The following BRCA1 variants were observed in gnomAD, a reference collection of about 807,000 sequenced individuals.
BRCA1 encodes the protein breast cancer type 1 susceptibility protein.
Under a neutral mutation model 173.7 loss-of-function variants are expected in BRCA1, and 140 were observed. The ratio of observed to expected loss-of-function variants is 0.81; its 90% CI spans 0.70 to 0.93. The LOEUF (loss-of-function observed/expected upper bound fraction) is 0.93. BRCA1 is among the 40% of genes least tolerant of loss of function. The probability of loss-of-function intolerance (pLI) is 0.00; values close to 1 mark genes in which losing one functional copy is unlikely to be tolerated. For synonymous variants in BRCA1, 662 were observed against 756.0 expected (o/e 0.88, Z 2.04); for missense variants, 1,983 against 2,172.5 (o/e 0.91, Z 1.73).
rs8176260 is a variant in BRCA1 at position 43,063,311 on chromosome 17, G to A, written c.5193+22C>T. The A allele has an allele frequency of 5.1e-5, 81 of 1,583,436 alleles. No homozygotes were observed. The African/African-American group carries it at 1.1e-3, about 21-fold the overall frequency. On this transcript the variant is annotated intron_variant, in intron 18 of 22. Coordinates refer to ENST00000357654, the MANE Select transcript of BRCA1 (RefSeq NM_007294.4). ...ATGACTGAATGAATATCTCTGGTTA[G>A]TTTGTAACATCAAGTACTTACCTCA...
At chr17:43,162,075 G>A (rs1021719981) in intron 1 of BRCA1, 10 of 152,144 alleles carry the variant, frequency 6.6e-5, no homozygotes, top group Non-Finnish European at 1.2e-4. Context: ...TTTTTCCAGC[G>A]AGGATCAAGG....
chr17:43,060,557 T>A (rs1430192627), intron 18 of BRCA1, among the ~76,000 whole-genome samples: 2 of 151,966 alleles, frequency 1.3e-5, no homozygotes, highest in South Asian at 2.1e-4. Context: ...AGTGATGCGA[T>A]CTTGGCTCAC....
chr17:43,120,158 G>A (rs889532203), intron 2 of BRCA1, among the ~76,000 whole-genome samples: 19 of 152,172 alleles, frequency 1.2e-4, no homozygotes, highest in Non-Finnish European at 5.9e-5. Flanking sequence ...ACACATTTTA[G>A]CAAATTCTTC....
intron 1 of BRCA1, among the ~76,000 whole-genome samples, chr17:43,131,565 CA>C (rs2154581323): frequency 6.6e-6 from 1 of 151,904 alleles, no homozygotes; most frequent in Admixed American, 6.6e-5. Context: ...ACTAAAAATA[CA>C]AAAAATTAGC....
At chr17:43,111,859 A>G (rs1369918717) in intron 3 of BRCA1, among the ~76,000 whole-genome samples, 1 of 152,016 alleles carries the variant, frequency 6.6e-6, no homozygotes, top group Non-Finnish European at 1.5e-5. Context: ...CAAACAAACA[A>G]AAATAAAAAA....
intron 2 of BRCA1, among the ~76,000 whole-genome samples, chr17:43,121,068 C>G (rs1303132090): frequency 6.9e-6 from 1 of 144,020 alleles, no homozygotes. Flanking sequence ...AGACTCCAAC[C>G]CCCCACCCCG....
upstream of BRCA1, chr17:43,125,622 C>T (rs963681962): frequency 2.1e-5 from 6 of 280,500 alleles, no homozygotes; most frequent in East Asian, 9.7e-5. Context: ...AAAGTGCCTG[C>T]CCTCTAGCCT....
rs1210108015 is a variant in BRCA1 at position 43,100,671 on chromosome 17, T to C, written c.442-791A>G. Among the ~76,000 whole-genome samples the C allele has an allele frequency of 1.2e-3, 30 of 25,974 alleles. 1 individual carries two copies. Among genetic ancestry groups the C allele is most frequent in the African/African-American group, 8.0e-3 (23 of 2,892 alleles). 17.0% of individuals were successfully genotyped at this position (25,974 alleles called of 152,430 possible). ...CATATATATAACATATATATATATA[T>C]ATATATAATATATATATATATATAT... On this transcript the variant is annotated intron_variant, in intron 6 of 22. Coordinates refer to ENST00000357654, the MANE Select transcript of BRCA1 (RefSeq NM_007294.4).
intron 3 of BRCA1, among the ~76,000 whole-genome samples, chr17:43,112,805 T>C (rs1013114678): frequency 2.0e-5 from 3 of 151,692 alleles, no homozygotes; most frequent in African/African-American, 7.3e-5. Context: ...AGCTGTTTTT[T>C]GTTGTTTTTT....
intron 1 of BRCA1, among the ~76,000 whole-genome samples, chr17:43,143,637 ATTAGTGACTTTTTT>A (rs1257351745): frequency 2.0e-5 from 3 of 152,170 alleles, no homozygotes; most frequent in Non-Finnish European, 4.4e-5. Flanking sequence ...AATGTGATTT[ATTAGTGACTTTTTT>A]TTTGAAGATG....
At chr17:43,115,606 G>T in intron 3 of BRCA1, 120 bp downstream of exon 3, 1 of 960,534 alleles carries the variant, frequency 1.0e-6, no homozygotes, top group Non-Finnish European at 1.6e-6. Context: ...AAATGGAGTT[G>T]GATTTTTCGT....
chr17:43,106,435 C>T lies in BRCA1; in HGVS notation c.212+21G>A, dbSNP rs80358147. 27 of 1,492,232 alleles carry T rather than the reference C, an allele frequency of 1.8e-5. No individual in the cohort carries two copies. Among genetic ancestry groups the T allele is most frequent in the Admixed American group, 5.1e-5 (3 of 59,090 alleles). 92.4% of individuals were successfully genotyped at this position (1,492,232 alleles called of 1,614,324 possible). On this transcript the variant is annotated intron_variant, in intron 4 of 22. Coordinates refer to ENST00000357654, the MANE Select transcript of BRCA1 (RefSeq NM_007294.4). ...CCTACTGTGGTTGCTTCCAACCTAG[C>T]ATCATTACCAAATTATATACCTTTT...
At chr17:43,169,882 C>G (rs2056311972) in intron 1 of BRCA1, 1 of 385,366 alleles carries the variant, frequency 2.6e-6, no homozygotes, top group Non-Finnish European at 5.1e-6. Context: ...GTTTTTTTCC[C>G]CCCCTCTACA....
At chr17:43,054,620 T>C (rs1171804525) in intron 19 of BRCA1, among the ~76,000 whole-genome samples, 6 of 152,146 alleles carry the variant, frequency 3.9e-5, no homozygotes, top group Non-Finnish European at 8.8e-5. Context: ...TTAAATTTTT[T>C]TGTAGAGACA....
rs1555594889 is a variant in BRCA1 at position 43,099,831 on chromosome 17, G to A, written c.491C>T (p.Thr164Ile). Residue 164 changes from threonine (T) to isoleucine (I), a missense_variant, in exon 7 of 23, where the codon ACT (threonine) becomes ATT (isoleucine). Coordinates refer to ENST00000357654, the MANE Select transcript of BRCA1 (RefSeq NM_007294.4). ...TTGTATCCGCTGCTTTGTCCTCAGA[G>A]TTCTCACAGTTCCAAGGTTAGAGAG... is the stretch of plus-strand genomic sequence containing the variant. ...VQLSNLGTVR[T>I]LRTKQRIQPQ... The A allele has an allele frequency of 6.2e-7, 1 of 1,613,864 alleles. No individual in the cohort carries two copies. The highest frequency in any genetic ancestry group is 8.5e-7 in the Non-Finnish European group (1 of 1,179,766).
chr17:43,137,899 A>C (rs2056040447), intron 1 of BRCA1, among the ~76,000 whole-genome samples: 1 of 151,832 alleles, frequency 6.6e-6, no homozygotes. Context: ...ACAAAAACCC[A>C]AAATAGGCCG....
At chr17:43,057,028 T>C (rs375508764) in intron 19 of BRCA1, 24 bp downstream of exon 19, 12 of 1,612,092 alleles carry the variant, frequency 7.4e-6, no homozygotes, top group Non-Finnish European at 1.0e-5. Flanking sequence ...GAGATTTTTG[T>C]CAACTTGAGG....
rs571747626 is a variant in BRCA1, at chr17:43,119,018, G to A, written c.81-3239C>T. 3.7e-5 allele frequency: 8 copies of A among 214,770 alleles called. No homozygotes were observed. The South Asian group carries it at 1.1e-3, about 30-fold the overall frequency. The allele number at this position is 214,770 out of a possible 1,614,324, so 13.3% of individuals were successfully genotyped here. On this transcript the variant is annotated intron_variant, in intron 2 of 22. Coordinates refer to ENST00000357654, the MANE Select transcript of BRCA1 (RefSeq NM_007294.4). ...TGACCTCAAGTGATCCATCTGCCTC[G>A]ACCGGGATTACAGGCGTGAGCCACT...
chr17:43,168,269 C>T (rs114590068), intron 1 of BRCA1: 649 of 395,692 alleles, frequency 1.6e-3, no homozygotes, highest in African/African-American at 0.014. Flanking sequence ...TTCCAATGAA[C>T]TTTAACACAT....
Sources: gnomAD v4.1 joint callset for allele counts (sites outside exome capture counted in the v4.1 genomes callset) on GRCh38, gnomAD v4.1.1 for gene constraint, MANE v1.5 for transcripts, NCBI Gene and HGNC (gene_info 2026-07-23, HGNC 2026-07-21) for gene names.